Variants in CACNA1C observed in about 807,000 individuals in gnomAD.
CACNA1C encodes calcium voltage-gated channel subunit alpha1 C.
CACNA1C carries 30 observed loss-of-function variants against 229.0 expected under a neutral mutation model. That is an observed-to-expected ratio of 0.13 (90% CI 0.10 to 0.18). CACNA1C has a LOEUF of 0.18. CACNA1C is among the 10% of genes least tolerant of loss of function. The pLI is 1.00. For synonymous variants in CACNA1C, 1,114 were observed against 1,132.5 expected, an observed-to-expected ratio of 0.98 and a Z score of 0.33; for missense variants, 1,658 against 2,845.0, an observed-to-expected ratio of 0.58 and a Z score of 9.49.
chr12:2,559,953 A>G (rs2046571404), intron 11 of CACNA1C, among the ~76,000 whole-genome samples: 1 of 152,234 alleles, frequency 6.6e-6, no homozygotes, highest in South Asian at 2.1e-4. Flanking sequence ...TACTATTTCA[A>G]TATGTAATTC....
At position 2,578,347 on chromosome 12, in the gene CACNA1C, G is replaced by A. The variant is rs117001926; in HGVS notation, c.1896-3243G>A. On this transcript the variant is annotated intron_variant, in intron 13 of 46. Coordinates refer to ENST00000399655, the MANE Select transcript of CACNA1C (RefSeq NM_000719.7). ...GGAGTTGGAGAAAGTGAGGGGGCCC[G>A]AGGAAGGGGAGTGCAGCTGGCTGGT... Among the ~76,000 whole-genome samples the A allele has an allele frequency of 3.0e-3, 452 of 152,246 alleles. 3 individuals are homozygous for A. Among genetic ancestry groups the A allele is most frequent in the Non-Finnish European group, 4.3e-3 (290 of 68,006 alleles).
chr12:2,333,806 G>A lies in CACNA1C; in HGVS notation c.478-115170G>A, dbSNP rs562538557. 3.9e-5 allele frequency among the ~76,000 whole-genome samples: 6 copies of A among 152,302 alleles called. No homozygotes were observed. In the South Asian group the frequency reaches 1.2e-3, roughly 32 times the overall value. On this transcript the variant is annotated intron_variant, in intron 3 of 46. Transcript: ENST00000399655. The stretch of plus-strand genomic sequence containing the variant: ...GCCTGCCATTTGTGTAGCTCTTTTT[G>A]ATGTTCAAAGCTCTGTGGCACACAG...
At position 2,494,928 on chromosome 12, in the gene CACNA1C, G is replaced by A. The variant is rs544937486; in HGVS notation, c.1113+1542G>A. ...CCTGCCAGGGGTGCTCCTAGGCTCTGAGGATTCAGTCATAAATAAGATCCA... is the reference window on the plus strand; with the variant it reads ...CCTGCCAGGGGTGCTCCTAGGCTCTAAGGATTCAGTCATAAATAAGATCCA... On this transcript the variant is annotated intron_variant, in intron 7 of 46. Transcript: ENST00000399655. 2.6e-5 allele frequency among the ~76,000 whole-genome samples: 4 copies of A among 152,240 alleles called. No homozygotes were observed. In the South Asian group the frequency reaches 8.3e-4, roughly 32 times the overall value.
chr12:2,668,477 GTAAAGAAATAC>G (rs2096360327), intron 37 of CACNA1C: 1 of 167,816 alleles, frequency 6.0e-6, no homozygotes, highest in African/African-American at 2.4e-5. Context: ...TTGCACTGCT[GTAAAGAAATAC>G]CTGAGACTGG....
intron 1 of CACNA1C, among the ~76,000 whole-genome samples, chr12:2,083,261 G>A (rs2066356798): frequency 6.6e-6 from 1 of 152,200 alleles, no homozygotes; most frequent in Admixed American, 6.5e-5. Flanking sequence ...GGCAAACAAA[G>A]GCTCTTGGCT....
intron 3 of CACNA1C, among the ~76,000 whole-genome samples, chr12:2,237,899 C>T (rs1179625726): frequency 6.6e-6 from 1 of 152,206 alleles, no homozygotes; most frequent in African/African-American, 2.4e-5. Flanking sequence ...CCTCTGCCCT[C>T]CCTAGCTCCA....
In CACNA1C at chr12:2,652,899, C is replaced by CA. The variant is rs1569069763; in HGVS notation, c.4075-936_4075-935insA. On this transcript the variant is annotated intron_variant, in intron 32 of 46. Coordinates refer to ENST00000399655, the MANE Select transcript of CACNA1C (RefSeq NM_000719.7). ...GAGTTGCCATACTCTCCCTGCCCCC[C>CA]CGACATCTCCTGGGGCTGGGAAGAG... Among the ~76,000 whole-genome samples, 16 of 152,344 alleles carry CA rather than the reference C, an allele frequency of 1.1e-4. No individual in the cohort carries two copies. The East Asian group carries it at 3.1e-3, about 29-fold the overall frequency.
At chr12:2,033,764 A>G (rs540674030) in intron 1 of CACNA1C, among the ~76,000 whole-genome samples, 1 of 152,380 alleles carries the variant, frequency 6.6e-6, no homozygotes, top group South Asian at 2.1e-4. Flanking sequence ...CAAAATGCCC[A>G]GGAACCTCAG....
At chr12:2,154,401 G>A (rs540501721) in intron 3 of CACNA1C, among the ~76,000 whole-genome samples, 2 of 152,184 alleles carry the variant, frequency 1.3e-5, no homozygotes, top group Non-Finnish European at 2.9e-5. Flanking sequence ...CCGCACACAC[G>A]GAATCTTCCT....
chr12:2,112,282 T>C (rs1596187847), intron 1 of CACNA1C, among the ~76,000 whole-genome samples: 1 of 152,112 alleles, frequency 6.6e-6, no homozygotes, highest in Non-Finnish European at 1.5e-5. Flanking sequence ...CTTTACATCT[T>C]TTCCTGCTGG....
intron 3 of CACNA1C, among the ~76,000 whole-genome samples, chr12:2,384,216 G>A (rs572405835): frequency 1.1e-4 from 16 of 152,318 alleles, no homozygotes; most frequent in African/African-American, 3.6e-4. Context: ...GGAGAATCGC[G>A]GGTTACTGTA....
intron 3 of CACNA1C, among the ~76,000 whole-genome samples, chr12:2,331,288 G>T (rs2096539793): frequency 6.6e-6 from 1 of 152,252 alleles, no homozygotes; most frequent in East Asian, 1.9e-4. Context: ...ACACACATAT[G>T]TACATATCCC....
At chr12:2,345,514 G>A (rs760961525) in intron 3 of CACNA1C, among the ~76,000 whole-genome samples, 5 of 152,120 alleles carry the variant, frequency 3.3e-5, no homozygotes, top group Non-Finnish European at 7.3e-5. Flanking sequence ...CAAATAACCC[G>A]GAAGTTAGAT....
At chr12:2,336,403 ACT>A (rs1204168255) in intron 3 of CACNA1C, among the ~76,000 whole-genome samples, 12 of 151,906 alleles carry the variant, frequency 7.9e-5, no homozygotes, top group African/African-American at 1.9e-4. Context: ...GCCGTGTTTG[ACT>A]CTGTCCTATT....
intron 3 of CACNA1C, among the ~76,000 whole-genome samples, chr12:2,265,430 C>T (rs1004414961): frequency 3.9e-5 from 6 of 152,176 alleles, no homozygotes; most frequent in East Asian, 1.9e-4. Context: ...CTCTATCTGG[C>T]GTTGTGGTTT....
Position 2,467,556 on chromosome 12 carries a change from G to T in CACNA1C, c.757+9850G>T, listed in dbSNP as rs950171575. On this transcript the variant is annotated intron_variant, in intron 5 of 46. Coordinates refer to ENST00000399655, the MANE Select transcript of CACNA1C (RefSeq NM_000719.7). This position sits in a 1 kb window ranked among gnomAD's most constrained non-coding sequence, Gnocchi z 4.6. ...GCCTGGGGTTGTGCTCTGCAGATGG[G>T]GCAGAGCACCCTGGAGGGCAGCCAG... is the stretch of plus-strand genomic sequence containing the variant. Among the ~76,000 whole-genome samples, 1 of 152,164 alleles carries T rather than the reference G, an allele frequency of 6.6e-6. No individual in the cohort carries two copies. Among genetic ancestry groups the T allele is most frequent in the African/African-American group, 2.4e-5 (1 of 41,446 alleles).
At chr12:2,088,119 C>T (rs985011847) in intron 1 of CACNA1C, among the ~76,000 whole-genome samples, 1 of 152,224 alleles carries the variant, frequency 6.6e-6, no homozygotes, top group African/African-American at 2.4e-5. Context: ...TAACACGCTT[C>T]AGAATACATA....
chr12:2,240,992 C>T (rs897292057), intron 3 of CACNA1C, among the ~76,000 whole-genome samples: 7 of 152,044 alleles, frequency 4.6e-5, no homozygotes, highest in Non-Finnish European at 4.4e-5. Flanking sequence ...AGTATTAACC[C>T]AAATGGAGTT....
intron 3 of CACNA1C, among the ~76,000 whole-genome samples, chr12:2,343,594 TCTGTAGC>T (rs2096924897): frequency 6.6e-6 from 1 of 152,226 alleles, no homozygotes; most frequent in Admixed American, 6.5e-5. Flanking sequence ...CTGTATTTTA[TCTGTAGC>T]CCTAATACCA....
Sources: gnomAD v4.1 joint callset for allele counts (sites outside exome capture counted in the v4.1 genomes callset) on GRCh38, gnomAD v4.1.1 for gene constraint, Gnocchi (gnomAD v3.1) non-coding constraint, MANE v1.5 for transcripts, NCBI Gene and HGNC (gene_info 2026-07-23, HGNC 2026-07-21) for gene names.